CPAP: variants seen among roughly 807,000 people sequenced by gnomAD.
CPAP encodes the protein centrosomal P4.1-associated protein.
chr13:24,923,519 A>T, the CPAP span, among the ~76,000 whole-genome samples: 1 of 152,130 alleles, frequency 6.6e-6, no homozygotes, highest in Non-Finnish European at 1.5e-5. Flanking sequence ...AATTCAAGAA[A>T]TTTTTTTGTT....
chr13:24,912,040 T>G, the CPAP span: 1 of 1,613,696 alleles, frequency 6.2e-7, no homozygotes, highest in Non-Finnish European at 8.5e-7. Flanking sequence ...TCTTCAATTG[T>G]TCCTGCTTCT....
the CPAP span, chr13:24,906,759 T>C: frequency 6.2e-7 from 1 of 1,614,182 alleles, no homozygotes; most frequent in Non-Finnish European, 8.5e-7. Context: ...TCTTTATTTT[T>C]AAGAGCGGTT....
the CPAP span, among the ~76,000 whole-genome samples, chr13:24,931,825 C>T: frequency 1.4e-4 from 21 of 152,218 alleles, no homozygotes; most frequent in African/African-American, 4.1e-4. Flanking sequence ...CCCGCCCTTG[C>T]GAATCCCTTG....
chr13:24,910,449 T>C, the CPAP span, among the ~76,000 whole-genome samples: 1 of 152,204 alleles, frequency 6.6e-6, no homozygotes, highest in Non-Finnish European at 1.5e-5. Flanking sequence ...GGTCTTGAAC[T>C]CCGGACCTCA....
At chr13:24,898,494 T>G in the CPAP span, among the ~76,000 whole-genome samples, 1 of 152,236 alleles carries the variant, frequency 6.6e-6, no homozygotes, top group Non-Finnish European at 1.5e-5. Flanking sequence ...CCCATCTTTT[T>G]GTAACTTTTG....
chr13:24,884,007 T>C, the CPAP span: 1 of 1,614,016 alleles, frequency 6.2e-7, no homozygotes, highest in Non-Finnish European at 8.5e-7. Flanking sequence ...TGCTTTCTTC[T>C]TGTCCATCAG....
chr13:24,924,089 T>TGA, the CPAP span, among the ~76,000 whole-genome samples: 22 of 152,294 alleles, frequency 1.4e-4, no homozygotes, highest in East Asian at 4.1e-3. Context: ...CGCCTCGGCC[T>TGA]CCCAAAGTGC....
At chr13:24,893,901 G>A in the CPAP span, among the ~76,000 whole-genome samples, 60 of 152,252 alleles carry the variant, frequency 3.9e-4, no homozygotes, top group Admixed American at 2.4e-3. Context: ...TCACTCTGCC[G>A]GGGACAGTGG....
At chr13:24,933,750 A>T in the CPAP span, among the ~76,000 whole-genome samples, 3 of 150,850 alleles carry the variant, frequency 2.0e-5, no homozygotes, top group Admixed American at 1.3e-4. Flanking sequence ...TTTTAGATGG[A>T]GTCTCACTCT....
chr13:24,919,792 C>A, the CPAP span, among the ~76,000 whole-genome samples: 1 of 151,742 alleles, frequency 6.6e-6, no homozygotes, highest in Non-Finnish European at 1.5e-5. Flanking sequence ...GAGACAGGGT[C>A]TCACAATGTC....
At chr13:24,893,013 G>C in the CPAP span, 1 of 692,550 alleles carries the variant, frequency 1.4e-6, no homozygotes, top group Non-Finnish European at 2.5e-6. Flanking sequence ...GACGAATGTC[G>C]TGGTTTTCAG....
At chr13:24,912,530 A>G in the CPAP span, 2 of 1,455,404 alleles carry the variant, frequency 1.4e-6, no homozygotes, top group South Asian at 1.2e-5. Flanking sequence ...TTTATTACAT[A>G]AACAGAAACC....
chr13:24,925,706 CCTT>C, the CPAP span: 1 of 152,432 alleles, frequency 6.6e-6, no homozygotes, highest in Non-Finnish European at 1.5e-5. Flanking sequence ...AAGGAGCAGA[CCTT>C]CTGAAAAGTC....
chr13:24,930,350 G>A, the CPAP span, among the ~76,000 whole-genome samples: 55 of 151,886 alleles, frequency 3.6e-4, no homozygotes, highest in Non-Finnish European at 7.1e-4. Context: ...GGGTACATGT[G>A]CAGGTTTGTT....
At chr13:24,885,720 TTTA>T in the CPAP span, 9 of 1,276,272 alleles carry the variant, frequency 7.1e-6, no homozygotes, top group Admixed American at 1.5e-4. Context: ...AATTGAAAAT[TTTA>T]TTAGTATGAT....
the CPAP span, chr13:24,883,443 A>AAGT: frequency 7.9e-6 from 10 of 1,258,954 alleles, no homozygotes; most frequent in Non-Finnish European, 1.1e-5. Flanking sequence ...AACTACTGAA[A>AAGT]AGTAGCCTTT....
chr13:24,915,603 A>G, the CPAP span, among the ~76,000 whole-genome samples: 1 of 152,224 alleles, frequency 6.6e-6, no homozygotes. Context: ...CAGGAGTTCG[A>G]GACCAGTCTG....
the CPAP span, chr13:24,932,987 A>T: frequency 6.5e-7 from 1 of 1,545,094 alleles, no homozygotes; most frequent in South Asian, 1.1e-5. Context: ...GTCCTTAAAA[A>T]CTTTGTTTCC....
At chr13:24,892,683 A>C in the CPAP span, 1 of 1,614,006 alleles carries the variant, frequency 6.2e-7, no homozygotes, top group South Asian at 1.1e-5. Context: ...GCTGCTCTCT[A>C]TGGCTTCTGC....
Sources: gnomAD v4.1 joint callset for allele counts (sites outside exome capture counted in the v4.1 genomes callset) on GRCh38, gnomAD v4.1.1 for gene constraint, MANE v1.5 for transcripts, NCBI Gene and HGNC (gene_info 2026-07-23, HGNC 2026-07-21) for gene names.